Variants in ZFPM2 observed in about 807,000 individuals in gnomAD.
ZFPM2 encodes zinc finger protein, FOG family member 2.
ZFPM2 carries 20 observed loss-of-function variants against 98.6 expected under a neutral mutation model. That is an observed-to-expected ratio of 0.20 (90% confidence interval 0.14 to 0.29). The LOEUF is 0.29. ZFPM2 is among the 10% of genes least tolerant of loss of function. The pLI, the probability that ZFPM2 is intolerant of heterozygous loss-of-function variation, is 1.00. For missense variants in ZFPM2, 1,310 were observed against 1,388.6 expected, an observed-to-expected ratio of 0.94 and a Z score of 0.90; for synonymous variants, 518 against 502.7, an observed-to-expected ratio of 1.03 and a Z score of -0.41.
intron 3 of ZFPM2, among the ~76,000 whole-genome samples, chr8:105,459,775 C>T (rs1204510419): frequency 6.6e-6 from 1 of 152,154 alleles, no homozygotes; most frequent in Non-Finnish European, 1.5e-5. Context: ...ACCACAATTA[C>T]CTCCTTAAAG....
intron 3 of ZFPM2, among the ~76,000 whole-genome samples, chr8:105,554,517 C>T (rs78529600): frequency 3.9e-5 from 6 of 152,118 alleles, no homozygotes; most frequent in Non-Finnish European, 8.8e-5. Flanking sequence ...TAATGTCTTC[C>T]AACCATGAAG....
At chr8:105,509,537 T>C (rs1185637055) in intron 3 of ZFPM2, among the ~76,000 whole-genome samples, 2 of 152,212 alleles carry the variant, frequency 1.3e-5, no homozygotes, top group Non-Finnish European at 2.9e-5. Context: ...GAATAAAGTC[T>C]TTGGTACATT....
At chr8:105,622,885 TA>T (rs1383951745) in intron 4 of ZFPM2, among the ~76,000 whole-genome samples, 1 of 152,188 alleles carries the variant, frequency 6.6e-6, no homozygotes, top group African/African-American at 2.4e-5. Flanking sequence ...ATTAATATAG[TA>T]AATTTTAAAA....
intron 1 of ZFPM2, among the ~76,000 whole-genome samples, chr8:105,364,396 CT>C (rs1810469662): frequency 6.6e-6 from 1 of 151,796 alleles, no homozygotes; most frequent in South Asian, 2.1e-4. Flanking sequence ...AATTATGGTA[CT>C]TTTTATTTAA....
At chr8:105,527,429 A>G (rs774728994) in intron 3 of ZFPM2, among the ~76,000 whole-genome samples, 4 of 152,242 alleles carry the variant, frequency 2.6e-5, no homozygotes, top group Non-Finnish European at 5.9e-5. Flanking sequence ...GTGGATAACT[A>G]TATGGATTTA....
intron 5 of ZFPM2, among the ~76,000 whole-genome samples, chr8:105,723,800 G>C (rs1811733419): frequency 6.6e-6 from 1 of 151,706 alleles, no homozygotes; most frequent in African/African-American, 2.4e-5. Flanking sequence ...CCTGGTGCTT[G>C]CTTTTCTTTC....
chr8:105,563,152 G>T (rs1815174410), intron 4 of ZFPM2, among the ~76,000 whole-genome samples: 1 of 152,126 alleles, frequency 6.6e-6, no homozygotes, highest in African/African-American at 2.4e-5. Flanking sequence ...GTTTCGACAG[G>T]TGTACTGGGT....
chr8:105,319,068 G>C (rs1244776153), intron 1 of ZFPM2, 87 bp downstream of exon 1: 1 of 1,402,318 alleles, frequency 7.1e-7, no homozygotes, highest in African/African-American at 1.5e-5. Context: ...GTGGGTGGCG[G>C]GGCTAGGGGA....
chr8:105,520,265 A>G (rs1353571547), intron 3 of ZFPM2, among the ~76,000 whole-genome samples: 1 of 152,182 alleles, frequency 6.6e-6, no homozygotes, highest in Non-Finnish European at 1.5e-5. Context: ...ATTTGTCTTA[A>G]AAGACTTTTA....
At chr8:105,560,117 G>T (rs1324905103) in intron 3 of ZFPM2, among the ~76,000 whole-genome samples, 1 of 143,858 alleles carries the variant, frequency 7.0e-6, no homozygotes, top group African/African-American at 2.6e-5. Flanking sequence ...TGGGGCAGGA[G>T]AAACTCTTGA....
intron 3 of ZFPM2, among the ~76,000 whole-genome samples, chr8:105,525,626 TGATATGA>T (rs1321102133): frequency 4.6e-5 from 7 of 152,148 alleles, no homozygotes; most frequent in Non-Finnish European, 8.8e-5. Context: ...GGCAGTTAGG[TGATATGA>T]TTTCCATGTC....
At chr8:105,499,801 C>CT (rs1016949904) in intron 3 of ZFPM2, among the ~76,000 whole-genome samples, 32 of 152,078 alleles carry the variant, frequency 2.1e-4, no homozygotes, top group African/African-American at 7.7e-4. Context: ...CAGAAAGGAG[C>CT]TTTTTGTAGG....
In ZFPM2 at chr8:105,591,479, A is replaced by T. The variant is rs144124162; in HGVS notation, c.420+29998A>T. Among the ~76,000 whole-genome samples the T allele has an allele frequency of 2.1e-3, 325 of 152,296 alleles. 2 individuals are homozygous for T. Among genetic ancestry groups the T allele is most frequent in the East Asian group, 0.015 (78 of 5,186 alleles). On this transcript the variant is annotated intron_variant, in intron 4 of 7. Transcript: ENST00000407775. ...TGTAAATACAGCTTTTAATCAAGACATTGGAAAAATGTTAATGCCTTTGAG... is the reference window on the plus strand; with the variant it reads ...TGTAAATACAGCTTTTAATCAAGACTTTGGAAAAATGTTAATGCCTTTGAG...
At chr8:105,632,864 G>T (rs549657844) in intron 4 of ZFPM2, among the ~76,000 whole-genome samples, 1 of 151,932 alleles carries the variant, frequency 6.6e-6, no homozygotes, top group Admixed American at 6.6e-5. Context: ...ACTTGATTTA[G>T]TTATAGTTTA....
At chr8:105,634,172 A>G in intron 4 of ZFPM2, 74 bp from the exon 5 acceptor site, 3 of 1,083,498 alleles carry the variant, frequency 2.8e-6, no homozygotes, top group African/African-American at 1.6e-5. Flanking sequence ...AAATAAAATG[A>G]TTAGTACAGT....
At chr8:105,407,927 G>C (rs988492030) in intron 1 of ZFPM2, among the ~76,000 whole-genome samples, 1 of 151,844 alleles carries the variant, frequency 6.6e-6, no homozygotes, top group African/African-American at 2.4e-5. Context: ...TCTCAGGGAG[G>C]CTGGCGCAGA....
intron 5 of ZFPM2, among the ~76,000 whole-genome samples, chr8:105,718,775 G>C (rs9643020): frequency 6.6e-6 from 1 of 151,698 alleles, no homozygotes; most frequent in East Asian, 2.0e-4. Flanking sequence ...GCTATCAACA[G>C]TTTATTCCTC....
At chr8:105,521,733 A>C (rs1210703889) in intron 3 of ZFPM2, among the ~76,000 whole-genome samples, 1 of 152,074 alleles carries the variant, frequency 6.6e-6, no homozygotes, top group Non-Finnish European at 1.5e-5. Context: ...ATGTGCCACC[A>C]TGCTCAGCTA....
chr8:105,543,904 G>A (rs1157225688), intron 3 of ZFPM2, among the ~76,000 whole-genome samples: 1 of 152,120 alleles, frequency 6.6e-6, no homozygotes, highest in East Asian at 1.9e-4. Flanking sequence ...AGTCAGGCAT[G>A]CACACACACA....
Sources: gnomAD v4.1 joint callset for allele counts (sites outside exome capture counted in the v4.1 genomes callset) on GRCh38, gnomAD v4.1.1 for gene constraint, MANE v1.5 for transcripts, NCBI Gene and HGNC (gene_info 2026-07-23, HGNC 2026-07-21) for gene names.